The following TAX1BP1 variants were observed in gnomAD, a reference collection of about 807,000 sequenced individuals.
TAX1BP1 encodes the protein tax1-binding protein 1.
In TAX1BP1, 62 loss-of-function variants were observed where a neutral mutation model predicts 97.7. The ratio of observed to expected loss-of-function variants is 0.63; its 90% CI spans 0.52 to 0.78. TAX1BP1 has a LOEUF of 0.78. TAX1BP1 is among the 30% of genes least tolerant of loss of function. The probability of loss-of-function intolerance (pLI) is 0.00; values close to 1 mark genes in which losing one functional copy is unlikely to be tolerated. For missense variants in TAX1BP1, 867 were observed against 916.1 expected (o/e 0.95, Z 0.69); for synonymous variants, 340 against 304.2 (o/e 1.12, Z -1.23).
chr7:27,793,512 T>C (rs934276462), intron 10 of TAX1BP1, among the ~76,000 whole-genome samples: 49 of 152,192 alleles, frequency 3.2e-4, no homozygotes, highest in African/African-American at 1.2e-3. Context: ...TCAATACTTA[T>C]TATTGACTCT....
chr7:27,821,694 A>T (rs985818777), intron 15 of TAX1BP1, among the ~76,000 whole-genome samples: 43 of 151,896 alleles, frequency 2.8e-4, no homozygotes, highest in African/African-American at 9.4e-4. Flanking sequence ...TTCACATATT[A>T]TACAATTTGC....
At chr7:27,763,488 C>A (rs753966535) in intron 3 of TAX1BP1, among the ~76,000 whole-genome samples, 1 of 151,982 alleles carries the variant, frequency 6.6e-6, no homozygotes, top group Non-Finnish European at 1.5e-5. Context: ...ACCTTGAGGC[C>A]GGGCACGGTG....
intron 1 of TAX1BP1, among the ~76,000 whole-genome samples, chr7:27,741,604 G>T (rs1322210071): frequency 6.6e-6 from 1 of 151,642 alleles, no homozygotes; most frequent in African/African-American, 2.4e-5. Flanking sequence ...AGGTTCAAGC[G>T]ATTCTCCTGC....
intron 5 of TAX1BP1, among the ~76,000 whole-genome samples, chr7:27,783,639 T>C (rs1789349813): frequency 6.6e-6 from 1 of 152,216 alleles, no homozygotes; most frequent in Admixed American, 6.5e-5. Context: ...TTTTGTAGAA[T>C]GCTGTATACC....
At chr7:27,804,023 A>G (rs1203312268) in intron 13 of TAX1BP1, among the ~76,000 whole-genome samples, 2 of 152,194 alleles carry the variant, frequency 1.3e-5, no homozygotes, top group Non-Finnish European at 1.5e-5. Flanking sequence ...TTTTTTTGCC[A>G]TTGATAATAT....
At position 27,829,701 on chromosome 7, in the gene TAX1BP1, T is replaced by C. The variant is rs959763234; in HGVS notation, c.*872T>C. 3.3e-5 allele frequency: 5 copies of C among 152,206 alleles called. No homozygotes were observed. The highest frequency in any genetic ancestry group is 3.3e-4 in the Admixed American group (5 of 15,280). The allele number at this position is 152,206 out of a possible 1,614,324, so 9.4% of individuals were successfully genotyped here. On this transcript the variant is annotated 3_prime_UTR_variant, in exon 17 of 17. Transcript: ENST00000396319. ...AATCAAAGTAATGTGTTTCTTCAGT[T>C]ATGTCTGTGCTGTATAGAACTGTCA...
chr7:27,792,974 A>T, intron 9 of TAX1BP1, 92 bp from the exon 10 acceptor site: 1 of 1,250,074 alleles, frequency 8.0e-7, no homozygotes, highest in South Asian at 1.4e-5. Flanking sequence ...AAACAAAAAA[A>T]AGAAAAAAAG....
rs149109245 is a variant in TAX1BP1, at chr7:27,791,734, C to T, written c.1039-272C>T. ...GTTTGAGCCTCAGTTTGGGCAGGTC[C>T]TTAAGCACTGGGTATGTTGCCTGAC... On this transcript the variant is annotated intron_variant, in intron 8 of 16. Coordinates refer to ENST00000396319, the MANE Select transcript of TAX1BP1 (RefSeq NM_006024.7). Among the ~76,000 whole-genome samples the T allele has an allele frequency of 1.1e-4, 16 of 152,248 alleles. No individual in the cohort carries two copies. The East Asian group carries it at 3.1e-3, about 29-fold the overall frequency.
At position 27,769,686 on chromosome 7, in the gene TAX1BP1, A is replaced by G; in HGVS notation, c.464A>G (p.Glu155Gly). Residue 155 changes from glutamate (E) to glycine (G), a missense_variant, in exon 5 of 17, where the codon GAG becomes GGG. Glu to Gly is a moderately conservative substitution (Grantham distance 98). Transcript: ENST00000396319. ...TTTTTTGCTTTATAGTTGAAAATTG[A>G]GAAAACCATGAAAGAAAAAGAAGAA... Reference protein sequence around the residue: ...TKAGLLELKIEKTMKEKEELL... With the variant: ...TKAGLLELKIGKTMKEKEELL... The G allele has an allele frequency of 6.2e-7, 1 of 1,604,066 alleles. No homozygotes were observed. Among genetic ancestry groups the G allele is most frequent in the Non-Finnish European group, 8.5e-7 (1 of 1,176,736 alleles).
intron 13 of TAX1BP1, chr7:27,803,213 C>T (rs1790205406): frequency 6.8e-7 from 1 of 1,465,464 alleles, no homozygotes; most frequent in South Asian, 1.4e-5. Flanking sequence ...AAATGTGTAT[C>T]ACATGAAACT....
intron 1 of TAX1BP1, among the ~76,000 whole-genome samples, chr7:27,741,567 C>A (rs974127873): frequency 1.3e-5 from 2 of 150,086 alleles, no homozygotes; most frequent in African/African-American, 4.9e-5. Flanking sequence ...GTGGCGCGAT[C>A]GCGGCTCATT....
In TAX1BP1 at chr7:27,785,201, T is replaced by G; in HGVS notation, c.651T>G (p.Asn217Lys). ...TAACACAAAGCTTAAAAATGGAAAA[T>G]GAAGAGTTTAAGAAGAGGTTCAGTG... ...TEVTQSLKME[N>K]EEFKKRFSDA... The change falls in exon 6 of 17, where the codon AAT (asparagine) becomes AAG (lysine). Residue 217 changes from asparagine to lysine, a missense_variant. Coordinates refer to ENST00000396319, the MANE Select transcript of TAX1BP1 (RefSeq NM_006024.7). 12 of 1,611,862 alleles carry G rather than the reference T, an allele frequency of 7.4e-6. No individual in the cohort carries two copies. The highest frequency in any genetic ancestry group is 1.1e-5 in the South Asian group (1 of 90,534).
At chr7:27,752,764 C>T (rs752035561) in intron 2 of TAX1BP1, among the ~76,000 whole-genome samples, 2 of 152,158 alleles carry the variant, frequency 1.3e-5, no homozygotes, top group African/African-American at 2.4e-5. Context: ...ATTATACTCC[C>T]TGTTTTACAG....
intron 2 of TAX1BP1, 90 bp from the exon 3 acceptor site, chr7:27,757,941 T>C (rs1788285159): frequency 3.0e-6 from 2 of 673,332 alleles, no homozygotes; most frequent in Admixed American, 2.9e-5. Context: ...ATATTTTAAC[T>C]GTAAAATACA....
intron 4 of TAX1BP1, among the ~76,000 whole-genome samples, chr7:27,768,081 G>A (rs1204480693): frequency 6.6e-6 from 1 of 151,776 alleles, no homozygotes; most frequent in Non-Finnish European, 1.5e-5. Flanking sequence ...ATTTGACTAT[G>A]GCCTATTGGA....
chr7:27,823,174 G>A (rs186405745), intron 15 of TAX1BP1, among the ~76,000 whole-genome samples: 34 of 152,154 alleles, frequency 2.2e-4, no homozygotes, highest in African/African-American at 7.9e-4. Flanking sequence ...CAAAGCATAA[G>A]CAATAACATC....
chr7:27,767,672 T>C lies in TAX1BP1; in HGVS notation c.453+1651T>C, dbSNP rs189326762. ...TATATTGTAGCTTTTTGAATACTTA[T>C]TAGACCACCCTCATTTCAGGGCCTC... is the stretch of plus-strand genomic sequence containing the variant. On this transcript the variant is annotated intron_variant, in intron 4 of 16. Transcript: ENST00000396319. Among the ~76,000 whole-genome samples, 423 of 152,228 alleles carry C rather than the reference T, an allele frequency of 2.8e-3. 1 individual carries two copies. The highest frequency in any genetic ancestry group is 3.9e-3 in the Non-Finnish European group (266 of 67,942).
chr7:27,794,826 A>G (rs1789860786), intron 11 of TAX1BP1, among the ~76,000 whole-genome samples: 1 of 152,160 alleles, frequency 6.6e-6, no homozygotes, highest in Non-Finnish European at 1.5e-5. Context: ...TTTAATTTTT[A>G]AATTCTGCAG....
At chr7:27,803,311 A>C in intron 13 of TAX1BP1, 2 of 908,032 alleles carry the variant, frequency 2.2e-6, no homozygotes, top group Non-Finnish European at 3.1e-6. Flanking sequence ...TGAAATTTCT[A>C]AAAATTACGT....
Sources: gnomAD v4.1 joint callset for allele counts (sites outside exome capture counted in the v4.1 genomes callset) on GRCh38, gnomAD v4.1.1 for gene constraint, MANE v1.5 for transcripts, NCBI Gene and HGNC (gene_info 2026-07-23, HGNC 2026-07-21) for gene names.